The following NPLOC4 variants were observed in gnomAD, a reference collection of about 807,000 sequenced individuals.
NPLOC4 encodes the protein nuclear protein localization protein 4 homolog.
A neutral mutation model predicts 80.6 loss-of-function variants in NPLOC4; 18 were observed. The observed-to-expected ratio is 0.22, with a 90% confidence interval of 0.15 to 0.33. The LOEUF is 0.33. Among genes scored for constraint, NPLOC4 ranks in the 10% least tolerant of loss-of-function variants. The pLI is 1.00. For missense variants in NPLOC4, 540 were observed against 786.1 expected (o/e 0.69, Z 3.74); for synonymous variants, 313 against 301.5 (o/e 1.04, Z -0.39).
At chr17:81,621,379 C>G (rs1386224787) in intron 3 of NPLOC4, among the ~76,000 whole-genome samples, 3 of 152,236 alleles carry the variant, frequency 2.0e-5, no homozygotes, top group Non-Finnish European at 4.4e-5. Flanking sequence ...ACCAGCCCAT[C>G]ATTCTGGCTG....
intron 3 of NPLOC4, among the ~76,000 whole-genome samples, chr17:81,621,456 A>G (rs1000900027): frequency 6.6e-6 from 1 of 152,204 alleles, no homozygotes; most frequent in Non-Finnish European, 1.5e-5. Context: ...GCCACAGCAC[A>G]TGCAACCTGC....
At chr17:81,610,724 G>A (rs1042838226) in intron 4 of NPLOC4, among the ~76,000 whole-genome samples, 1 of 34,778 alleles carries the variant, frequency 2.9e-5, no homozygotes, top group African/African-American at 6.9e-5. Flanking sequence ...AGGCCGAGGC[G>A]GGTGGATCAT....
intron 3 of NPLOC4, among the ~76,000 whole-genome samples, chr17:81,621,692 CT>C (rs1179764387): frequency 6.6e-6 from 1 of 152,202 alleles, no homozygotes; most frequent in Non-Finnish European, 1.5e-5. Context: ...TCCAATAACA[CT>C]TTACAAAAAC....
chr17:81,591,093 C>G (rs1461963373), intron 11 of NPLOC4, among the ~76,000 whole-genome samples: 2 of 152,132 alleles, frequency 1.3e-5, no homozygotes, highest in South Asian at 2.1e-4. Flanking sequence ...AAAGGCTGGA[C>G]AGAGCGCCGG....
intron 2 of NPLOC4, among the ~76,000 whole-genome samples, chr17:81,628,334 G>A (rs2035852032): frequency 1.3e-5 from 2 of 151,994 alleles, no homozygotes; most frequent in African/African-American, 2.4e-5. Flanking sequence ...TGAAGATAGT[G>A]AAACCCCGTC....
intron 12 of NPLOC4, among the ~76,000 whole-genome samples, chr17:81,576,743 C>CACA (rs2034313386): frequency 6.6e-6 from 1 of 152,110 alleles, no homozygotes; most frequent in African/African-American, 2.4e-5. Context: ...TACTTAAGTG[C>CACA]ACACAGAGGC....
intron 10 of NPLOC4, 96 bp downstream of exon 10, chr17:81,597,149 C>G: frequency 1.2e-6 from 1 of 841,624 alleles, no homozygotes; most frequent in Non-Finnish European, 2.0e-6. Flanking sequence ...GGCCTGAAAG[C>G]TAGAACCAGC....
intron 2 of NPLOC4, among the ~76,000 whole-genome samples, chr17:81,625,597 G>A (rs2035774543): frequency 6.6e-6 from 1 of 152,134 alleles, no homozygotes; most frequent in African/African-American, 2.4e-5. Context: ...CTAAACATAG[G>A]TGAATAGCTT....
At chr17:81,615,687 T>C (rs1158545636) in intron 3 of NPLOC4, among the ~76,000 whole-genome samples, 1 of 152,170 alleles carries the variant, frequency 6.6e-6, no homozygotes, top group African/African-American at 2.4e-5. Context: ...AGACAAGAAC[T>C]TGGGCTTCCC....
intron 13 of NPLOC4, 52 bp from the exon 14 acceptor site, chr17:81,569,163 C>A (rs1465919049): frequency 1.2e-5 from 15 of 1,260,614 alleles, no homozygotes; most frequent in Non-Finnish European, 1.6e-5. Context: ...AATGGTGTGG[C>A]CGACTCCCAG....
At chr17:81,586,607 C>CA (rs199678879) in intron 12 of NPLOC4, among the ~76,000 whole-genome samples, 52,243 of 125,782 alleles carry the variant, frequency 0.42, 10,174 homozygotes, top group Admixed American at 0.47. Context: ...AAAACTGTCT[C>CA]AAAAAAAAAA....
Position 81,559,071 on chromosome 17 carries a change from G to T in NPLOC4, c.*188C>A. 1.6e-6 allele frequency: 1 copy of T among 619,278 alleles called. No homozygotes were observed. Among genetic ancestry groups the T allele is most frequent in the Non-Finnish European group, 2.7e-6 (1 of 364,618 alleles). The allele number at this position is 619,278 out of a possible 1,614,324, so 38.4% of individuals were successfully genotyped here. On this transcript the variant is annotated 3_prime_UTR_variant, in exon 17 of 17. Transcript: ENST00000331134. ...GCATTCAGCCTGCAGAATACCAGCCGTGGCGCCCGCTCTCCAGGGAGGAAC... is the reference window on the plus strand; with the variant it reads ...GCATTCAGCCTGCAGAATACCAGCCTTGGCGCCCGCTCTCCAGGGAGGAAC...
intron 8 of NPLOC4, among the ~76,000 whole-genome samples, chr17:81,600,987 GA>G (rs1458997628): frequency 6.6e-6 from 1 of 152,162 alleles, no homozygotes; most frequent in East Asian, 1.9e-4. Context: ...CTAAGGAAGG[GA>G]AAAGGTGTTC....
intron 8 of NPLOC4, among the ~76,000 whole-genome samples, chr17:81,602,353 C>T (rs1178228688): frequency 2.0e-5 from 3 of 151,742 alleles, no homozygotes; most frequent in Non-Finnish European, 4.4e-5. Flanking sequence ...TTGAGACCAG[C>T]GTGGGCCACA....
intron 12 of NPLOC4, among the ~76,000 whole-genome samples, chr17:81,584,423 T>C (rs2034521460): frequency 6.6e-6 from 1 of 152,088 alleles, no homozygotes; most frequent in African/African-American, 2.4e-5. Context: ...CGCATGGAAA[T>C]AAAAAAGCCA....
At chr17:81,584,002 C>T (rs896135913) in intron 12 of NPLOC4, among the ~76,000 whole-genome samples, 10 of 152,136 alleles carry the variant, frequency 6.6e-5, no homozygotes, top group Admixed American at 5.2e-4. Context: ...ACATGCTATC[C>T]CAGAGTCCAG....
chr17:81,589,562 G>A (rs1011428728), intron 11 of NPLOC4, among the ~76,000 whole-genome samples: 1 of 151,292 alleles, frequency 6.6e-6, no homozygotes, highest in Non-Finnish European at 1.5e-5. Flanking sequence ...AGTAGTCAAC[G>A]GATGGGTGGC....
At chr17:81,568,425 C>T (rs928796693) in intron 14 of NPLOC4, among the ~76,000 whole-genome samples, 1 of 152,242 alleles carries the variant, frequency 6.6e-6, no homozygotes, top group Non-Finnish European at 1.5e-5. Flanking sequence ...GCTTTGTCAG[C>T]CACTGAAGAA....
At chr17:81,601,420 A>C (rs1021513206) in intron 8 of NPLOC4, among the ~76,000 whole-genome samples, 5 of 152,176 alleles carry the variant, frequency 3.3e-5, no homozygotes, top group African/African-American at 1.2e-4. Flanking sequence ...TGCATAAGCA[A>C]ATTTTTGTGT....
Sources: gnomAD v4.1 joint callset for allele counts (sites outside exome capture counted in the v4.1 genomes callset) on GRCh38, gnomAD v4.1.1 for gene constraint, MANE v1.5 for transcripts, NCBI Gene and HGNC (gene_info 2026-07-23, HGNC 2026-07-21) for gene names.